SLC17A8: variants seen among roughly 807,000 people sequenced by gnomAD.
SLC17A8 encodes the protein vesicular glutamate transporter 3.
In SLC17A8, 31 loss-of-function variants were observed where a neutral mutation model predicts 58.0. The ratio of observed to expected loss-of-function variants is 0.53; its 90% CI spans 0.40 to 0.72. The LOEUF is 0.72. SLC17A8 is among the 30% of genes least tolerant of loss of function. The pLI, the probability that SLC17A8 is intolerant of heterozygous loss-of-function variation, is 0.00. For synonymous variants in SLC17A8, 228 were observed against 249.0 expected (o/e 0.92, Z 0.79); for missense variants, 655 against 727.8 (o/e 0.90, Z 1.15).
At chr12:100,388,575 A>G (rs1952692129) in intron 2 of SLC17A8, among the ~76,000 whole-genome samples, 1 of 152,234 alleles carries the variant, frequency 6.6e-6, no homozygotes, top group Admixed American at 6.5e-5. Context: ...TTGGACTGTG[A>G]GCTCCTAGAA....
intron 1 of SLC17A8, among the ~76,000 whole-genome samples, chr12:100,360,172 A>G (rs1375967342): frequency 3.9e-5 from 6 of 152,228 alleles, no homozygotes; most frequent in African/African-American, 1.4e-4. Context: ...TAAAGGTAAA[A>G]TAATATTTTA....
intron 1 of SLC17A8, among the ~76,000 whole-genome samples, chr12:100,371,012 C>T (rs1043970054): frequency 7.9e-5 from 12 of 152,240 alleles, no homozygotes; most frequent in Middle Eastern, 3.4e-3. Flanking sequence ...ACTGGGCTGG[C>T]GTTGGCCAGG....
chr12:100,412,807 C>A lies in SLC17A8; in HGVS notation c.1224C>A (p.Gly408=). 6.2e-7 allele frequency: 1 copy of A among 1,614,030 alleles called. No homozygotes were observed. The highest frequency in any genetic ancestry group is 1.7e-5 in the Admixed American group (1 of 60,002). ...GMEATLLLVV[G]FSHTKGVAIS... ...AGGCAACCTTACTCCTGGTGGTTGGCTTTTCGCATACCAAAGGGGTGGCTA... is the reference window on the plus strand; with the variant it reads ...AGGCAACCTTACTCCTGGTGGTTGGATTTTCGCATACCAAAGGGGTGGCTA... Residue 408 remains glycine, a synonymous_variant, in exon 10 of 12, where the codon GGC becomes GGA. Transcript: ENST00000323346.
chr12:100,370,612 T>TAAAAAAAAA (rs61103377), intron 1 of SLC17A8, among the ~76,000 whole-genome samples: 2 of 127,178 alleles, frequency 1.6e-5, no homozygotes, highest in African/African-American at 2.8e-5. Flanking sequence ...ATCTAAATTC[T>TAAAAAAAAA]AAAAAAAAAA....
chr12:100,410,278 G>A (rs147631481), intron 9 of SLC17A8, among the ~76,000 whole-genome samples: 24 of 151,834 alleles, frequency 1.6e-4, no homozygotes, highest in African/African-American at 4.6e-4. Flanking sequence ...GGTGGATCAC[G>A]AGGTCAGGAG....
At chr12:100,396,246 T>C (rs11568529) in intron 4 of SLC17A8, 84 bp from the exon 5 acceptor site, 25,084 of 1,064,454 alleles carry the variant, frequency 0.024, 385 homozygotes, top group Non-Finnish European at 0.028. Context: ...TATTGTAGCC[T>C]GTGTGAAGAA....
At chr12:100,391,661 TC>T (rs1283123108) in intron 3 of SLC17A8, among the ~76,000 whole-genome samples, 1 of 152,110 alleles carries the variant, frequency 6.6e-6, no homozygotes, top group African/African-American at 2.4e-5. Flanking sequence ...TTGCAACTCT[TC>T]AAGTGATTAT....
In SLC17A8 at chr12:100,412,813, G is replaced by A. The variant is rs1489915828; in HGVS notation, c.1230G>A (p.Ser410=). Reference sequence around the variant, plus strand: ...CCTTACTCCTGGTGGTTGGCTTTTCGCATACCAAAGGGGTGGCTATCTCCT... The same window carrying A: ...CCTTACTCCTGGTGGTTGGCTTTTCACATACCAAAGGGGTGGCTATCTCCT... ...EATLLLVVGF[S]HTKGVAISFL... Residue 410 remains serine (S), a synonymous_variant, in exon 10 of 12, where the codon TCG becomes TCA. Transcript: ENST00000323346. 1.1e-5 allele frequency: 17 copies of A among 1,613,902 alleles called. No homozygotes were observed. The highest frequency in any genetic ancestry group is 9.3e-5 in the African/African-American group (7 of 74,872).
chr12:100,413,262 C>A (rs1208226764), intron 10 of SLC17A8, among the ~76,000 whole-genome samples: 1 of 152,166 alleles, frequency 6.6e-6, no homozygotes, highest in Non-Finnish European at 1.5e-5. Flanking sequence ...TGCTAGAGAA[C>A]TGCGAGTGTC....
chr12:100,379,170 C>T (rs1256957850), intron 1 of SLC17A8, among the ~76,000 whole-genome samples: 2 of 151,642 alleles, frequency 1.3e-5, no homozygotes, highest in Admixed American at 6.6e-5. Context: ...GGGGCGGTGG[C>T]TCACGCCTGT....
chr12:100,385,517 C>T lies in SLC17A8; in HGVS notation c.354+4564C>T, dbSNP rs139463658. 9.1e-3 allele frequency among the ~76,000 whole-genome samples: 1,384 copies of T among 152,222 alleles called. 8 individuals carry two copies. The highest frequency in any genetic ancestry group is 0.024 in the Middle Eastern group (7 of 294). On this transcript the variant is annotated intron_variant, in intron 2 of 11. Transcript: ENST00000323346. Reference sequence around the variant, plus strand: ...CCTCCCAAAGTGCTGGGATTACAGGCGTGAGCCACCACACCTGACTGGCTT... The same window carrying T: ...CCTCCCAAAGTGCTGGGATTACAGGTGTGAGCCACCACACCTGACTGGCTT...
At position 100,369,570 on chromosome 12, in the gene SLC17A8, C is replaced by T. The variant is rs115914495; in HGVS notation, c.102-11131C>T. ...GCTGTATCCTCTTCTTGTTCTGTCC[C>T]GTATCTAAATCTCATTCAAGTGCTT... On this transcript the variant is annotated intron_variant, in intron 1 of 11. Transcript: ENST00000323346. 2.3e-3 allele frequency among the ~76,000 whole-genome samples: 356 copies of T among 152,292 alleles called. 4 individuals carry two copies. The highest frequency in any genetic ancestry group is 8.4e-3 in the African/African-American group (348 of 41,562).
chr12:100,389,274 G>C (rs2135993332), intron 2 of SLC17A8, among the ~76,000 whole-genome samples: 1 of 152,304 alleles, frequency 6.6e-6, no homozygotes, highest in African/African-American at 2.4e-5. Context: ...CTGTGTGCCA[G>C]TCACTATCCT....
intron 1 of SLC17A8, among the ~76,000 whole-genome samples, chr12:100,364,121 G>T (rs969664776): frequency 2.0e-5 from 3 of 151,292 alleles, no homozygotes; most frequent in African/African-American, 7.3e-5. Context: ...GGTATATGGT[G>T]GGGCTTGTGC....
intron 1 of SLC17A8, among the ~76,000 whole-genome samples, chr12:100,368,278 GCGTGC>G (rs1283676235): frequency 1.3e-5 from 2 of 152,180 alleles, no homozygotes; most frequent in African/African-American, 2.4e-5. Flanking sequence ...GGAATCCCAG[GCGTGC>G]CTTGGCTTGT....
At chr12:100,366,832 A>G (rs185087921) in intron 1 of SLC17A8, among the ~76,000 whole-genome samples, 4 of 152,294 alleles carry the variant, frequency 2.6e-5, no homozygotes, top group African/African-American at 9.6e-5. Flanking sequence ...TCCTTGGAGC[A>G]CCATGTTCTG....
chr12:100,358,002 TAA>T (rs1360229560), intron 1 of SLC17A8, among the ~76,000 whole-genome samples: 5 of 152,182 alleles, frequency 3.3e-5, no homozygotes, highest in African/African-American at 1.2e-4. Context: ...GGAAGTAACT[TAA>T]AAAATGTCTT....
chr12:100,406,560 G>A (rs1952827462), intron 9 of SLC17A8, among the ~76,000 whole-genome samples: 2 of 149,760 alleles, frequency 1.3e-5, no homozygotes, highest in Admixed American at 6.6e-5. Flanking sequence ...TTTTGAGACA[G>A]AGTCTCGCTC....
At position 100,403,991 on chromosome 12, in the gene SLC17A8, T is replaced by C. The variant is rs879147839; in HGVS notation, c.1054-47T>C. On this transcript the variant is annotated intron_variant, in intron 8 of 11. Transcript: ENST00000323346. ...TGGGCAAGGGAATTAGGGAGGCCCC[T>C]CTCTCAGAAATAATGACAAACTGCT... 3 of 1,612,420 alleles carry C rather than the reference T, an allele frequency of 1.9e-6. No homozygotes were observed. In the South Asian group the frequency reaches 3.3e-5, roughly 18 times the overall value.
Sources: gnomAD v4.1 joint callset for allele counts (sites outside exome capture counted in the v4.1 genomes callset) on GRCh38, gnomAD v4.1.1 for gene constraint, MANE v1.5 for transcripts, NCBI Gene and HGNC (gene_info 2026-07-23, HGNC 2026-07-21) for gene names.